The following ENPP1 variants were observed in gnomAD, a reference collection of about 807,000 sequenced individuals.
The protein encoded by ENPP1 is ectonucleotide pyrophosphatase/phosphodiesterase 1.
Under a neutral mutation model 122.8 loss-of-function variants are expected in ENPP1, and 73 were observed. That is an observed-to-expected ratio of 0.59 (90% CI 0.49 to 0.72). The LOEUF (loss-of-function observed/expected upper bound fraction) is 0.72, where lower values mean the gene tolerates loss of function less well. ENPP1 is among the 30% of genes least tolerant of loss of function. The pLI is 0.00. For synonymous variants in ENPP1, 367 were observed against 391.6 expected (o/e 0.94, Z 0.74); for missense variants, 978 against 1,128.1 (o/e 0.87, Z 1.91).
chr6:131,879,734 T>G, intron 19 of ENPP1, 146 bp from the exon 20 acceptor site: 1 of 721,034 alleles, frequency 1.4e-6, no homozygotes. Context: ...TTGTTTATGC[T>G]TCTACCCTTT....
chr6:131,812,488 A>T (rs931154421), intron 1 of ENPP1, among the ~76,000 whole-genome samples: 4 of 152,186 alleles, frequency 2.6e-5, no homozygotes, highest in African/African-American at 9.7e-5. Flanking sequence ...GTCTCCTAAG[A>T]GCTTGCTGTT....
At chr6:131,867,790 T>A (rs1782108717) in intron 11 of ENPP1, among the ~76,000 whole-genome samples, 1 of 152,214 alleles carries the variant, frequency 6.6e-6, no homozygotes, top group South Asian at 2.1e-4. Context: ...GCATTGTTAA[T>A]GATCTGCAGT....
intron 5 of ENPP1, among the ~76,000 whole-genome samples, chr6:131,853,312 G>A (rs1781904050): frequency 6.6e-6 from 1 of 151,984 alleles, no homozygotes; most frequent in Non-Finnish European, 1.5e-5. Flanking sequence ...TTAAATCCAA[G>A]GAATACTGGG....
chr6:131,876,870 A>T, intron 17 of ENPP1, 122 bp from the exon 18 acceptor site: 1 of 851,456 alleles, frequency 1.2e-6, no homozygotes, highest in African/African-American at 1.7e-5. Flanking sequence ...TTATACTTTT[A>T]TTTTAGTTAA....
intron 16 of ENPP1, among the ~76,000 whole-genome samples, chr6:131,874,747 T>A (rs1782206230): frequency 6.6e-6 from 1 of 152,118 alleles, no homozygotes; most frequent in Non-Finnish European, 1.5e-5. Context: ...CTCGTATGTT[T>A]ATCGCAGCAC....
chr6:131,870,890 AACGTGGTGAAACCCGTCTCTATGAAAAAT>A (rs1782153381), intron 13 of ENPP1, among the ~76,000 whole-genome samples: 1 of 152,184 alleles, frequency 6.6e-6, no homozygotes, highest in African/African-American at 2.4e-5. Context: ...CATCCTGGCC[AACGTGGTGAAACCCGTCTCTATGAAAAAT>A]ACAAAAATTA....
intron 21 of ENPP1, among the ~76,000 whole-genome samples, chr6:131,882,765 A>T (rs983486078): frequency 6.6e-6 from 1 of 151,204 alleles, no homozygotes; most frequent in African/African-American, 2.4e-5. Flanking sequence ...TGAATTTTAT[A>T]AAATTTTCTT....
chr6:131,851,367 G>A (rs576564995), intron 4 of ENPP1, 100 bp downstream of exon 4: 147 of 1,462,786 alleles, frequency 1.0e-4, no homozygotes, highest in Non-Finnish European at 1.4e-4. Context: ...CATGGCTATT[G>A]GCCAACTATA....
chr6:131,883,674 G>T lies in ENPP1; in HGVS notation c.2231-20G>T. ...GTTATTTGTGAAGAATGAAAAAGTTGTCCTCTTTTCTCTTTGTAGAACTAA... is the reference window on the plus strand; with the variant it reads ...GTTATTTGTGAAGAATGAAAAAGTTTTCCTCTTTTCTCTTTGTAGAACTAA... On this transcript the variant is annotated intron_variant, in intron 21 of 24. Transcript: ENST00000647893. 1 of 1,121,110 alleles carries T rather than the reference G, an allele frequency of 8.9e-7. No individual in the cohort carries two copies. Among genetic ancestry groups the T allele is most frequent in the Non-Finnish European group, 1.4e-6 (1 of 732,438 alleles). The allele number at this position is 1,121,110 out of a possible 1,614,324, so 69.4% of individuals were successfully genotyped here.
intron 21 of ENPP1, 74 bp from the exon 22 acceptor site, chr6:131,883,620 C>T (rs1046906105): frequency 1.2e-6 from 1 of 815,976 alleles, no homozygotes; most frequent in Non-Finnish European, 2.2e-6. Flanking sequence ...AAAATGCTCC[C>T]CTAACCATGA....
At chr6:131,882,026 A>G (rs1782316309) in intron 20 of ENPP1, among the ~76,000 whole-genome samples, 1 of 140,766 alleles carries the variant, frequency 7.1e-6, no homozygotes, top group South Asian at 2.2e-4. Context: ...TTAAAAAAAT[A>G]ATAATAATAA....
intron 9 of ENPP1, among the ~76,000 whole-genome samples, chr6:131,862,501 T>C (rs62424485): frequency 0.044 from 6,635 of 152,136 alleles, 219 homozygotes; most frequent in African/African-American, 0.081. Flanking sequence ...CTCAAATCAG[T>C]CTCCCCGAGC....
In ENPP1 at chr6:131,885,036, G is replaced by A. The variant is rs774114873; in HGVS notation, c.2417G>A (p.Arg806His). The change falls in exon 23 of 25, where the codon CGT (arginine) becomes CAT (histidine). Residue 806 changes from arginine to histidine, a missense_variant. By Grantham distance (29) the Arg-to-His change is conservative. Coordinates refer to ENST00000647893, the MANE Select transcript of ENPP1 (RefSeq NM_006208.3). Reference sequence around the variant, plus strand: ...GTGTTTGACTTTGATTATGATGGACGTTGTGATTCCTTAGAGAATCTGAGG... The same window carrying A: ...GTGTTTGACTTTGATTATGATGGACATTGTGATTCCTTAGAGAATCTGAGG... Reference protein sequence around the residue: ...GPVFDFDYDGRCDSLENLRQK... With the variant: ...GPVFDFDYDGHCDSLENLRQK... 16 of 1,613,978 alleles carry A rather than the reference G, an allele frequency of 9.9e-6. No individual in the cohort carries two copies. Among genetic ancestry groups the A allele is most frequent in the East Asian group, 8.9e-5 (4 of 44,862 alleles).
chr6:131,864,841 T>C (rs1170469561), intron 10 of ENPP1, 25 bp from the exon 11 acceptor site: 26 of 1,441,048 alleles, frequency 1.8e-5, no homozygotes, highest in Non-Finnish European at 2.3e-5. Flanking sequence ...CGTAAAATAT[T>C]ACATTTTGAT....
chr6:131,883,704 A>G lies in ENPP1; in HGVS notation c.2241A>G (p.Lys747=), dbSNP rs1287910204. 5 of 1,442,870 alleles carry G rather than the reference A, an allele frequency of 3.5e-6. No individual in the cohort carries two copies. Among genetic ancestry groups the G allele is most frequent in the Non-Finnish European group, 4.9e-6 (5 of 1,025,126 alleles). 89.4% of individuals were successfully genotyped at this position (1,442,870 alleles called of 1,614,324 possible). Residue 747 remains lysine (K), a synonymous_variant, in exon 22 of 25, where the codon AAA becomes AAG. Coordinates refer to ENST00000647893, the MANE Select transcript of ENPP1 (RefSeq NM_006208.3). ...CTTTTCTCTTTGTAGAACTAAATAA[A>G]AATTCAAGTGGAATATATTCTGAAG... ...YGFLSPPQLN[K]NSSGIYSEAL...
chr6:131,862,953 C>T (rs942971518), intron 9 of ENPP1, among the ~76,000 whole-genome samples: 1 of 151,666 alleles, frequency 6.6e-6, no homozygotes, highest in Non-Finnish European at 1.5e-5. Flanking sequence ...CTATTACCAA[C>T]TTTGTTTCAG....
Position 131,882,397 on chromosome 6 carries a change from T to G in ENPP1, c.2153T>G (p.Ile718Ser), listed in dbSNP as rs1782323177. ...FSNCLYQDFR[I>S]PLSPVHKCSF... ...AACTGTCTGTACCAGGACTTTAGAA[T>G]TCCTCTTAGTCCTGTCCATAAATGT... The change falls in exon 21 of 25, where the codon ATT becomes AGT. Residue 718 changes from isoleucine to serine, a missense_variant. Around this residue, in one of 3 missense-constraint regions of ENPP1, gnomAD observed 644 missense variants for 781.5 expected, o/e 0.82. Transcript: ENST00000647893. The G allele has an allele frequency of 1.2e-6, 2 of 1,604,314 alleles. No homozygotes were observed. Among genetic ancestry groups the G allele is most frequent in the South Asian group, 2.2e-5 (2 of 90,890 alleles).
In ENPP1 at chr6:131,864,954, T is replaced by G; in HGVS notation, c.1164+16T>G. 1 of 1,489,998 alleles carries G rather than the reference T, an allele frequency of 6.7e-7. No homozygotes were observed. Among genetic ancestry groups the G allele is most frequent in the Non-Finnish European group, 9.4e-7 (1 of 1,066,932 alleles). The allele number at this position is 1,489,998 out of a possible 1,614,324, so 92.3% of individuals were successfully genotyped here. On this transcript the variant is annotated intron_variant, in intron 11 of 24. Transcript: ENST00000647893. ...CAGCAGTGAAGTAAGTACATTTTTA[T>G]CAGTAATTATTTCATTAAACCCAGT...
chr6:131,851,447 G>GAT, intron 4 of ENPP1, 180 bp downstream of exon 4: 1 of 653,840 alleles, frequency 1.5e-6, no homozygotes, highest in South Asian at 1.8e-5. Context: ...GGGAGAGAGA[G>GAT]TATGTAATGA....
Sources: gnomAD v4.1 joint callset for allele counts (sites outside exome capture counted in the v4.1 genomes callset) on GRCh38, gnomAD v4.1.1 for gene constraint, gnomAD v4.1.1 regional missense constraint, MANE v1.5 for transcripts, NCBI Gene and HGNC (gene_info 2026-07-23, HGNC 2026-07-21) for gene names.